FSTL5: variants seen among roughly 807,000 people sequenced by gnomAD.
The protein encoded by FSTL5 is follistatin like 5.
FSTL5 carries 62 observed loss-of-function variants against 89.1 expected under a neutral mutation model. The ratio of observed to expected loss-of-function variants is 0.70; its 90% CI spans 0.57 to 0.86. The LOEUF is 0.86. FSTL5 is among the 40% of genes least tolerant of loss of function. FSTL5 has a pLI of 0.00. For missense variants in FSTL5, 1,057 were observed against 1,001.6 expected, an observed-to-expected ratio of 1.06 and a Z score of -0.75; for synonymous variants, 383 against 346.2, an observed-to-expected ratio of 1.11 and a Z score of -1.18.
intron 6 of FSTL5, among the ~76,000 whole-genome samples, chr4:161,746,810 T>G (rs979122988): frequency 2.6e-5 from 4 of 151,942 alleles, no homozygotes; most frequent in African/African-American, 9.7e-5. Flanking sequence ...CTCTAACCCC[T>G]TCCTCCTAAG....
chr4:161,777,260 T>TATATATATAC (rs138402425), intron 4 of FSTL5, among the ~76,000 whole-genome samples: 53 of 149,426 alleles, frequency 3.5e-4, no homozygotes, highest in Admixed American at 2.7e-3. Context: ...TATATATATA[T>TATATATATAC]ACACACACCA....
intron 2 of FSTL5, among the ~76,000 whole-genome samples, chr4:162,077,161 A>G (rs895869814): frequency 1.3e-5 from 2 of 151,850 alleles, no homozygotes; most frequent in African/African-American, 2.4e-5. Flanking sequence ...GCAGCTTTCA[A>G]GGGCCTTCTT....
chr4:161,916,767 A>C (rs1022542868), intron 4 of FSTL5, among the ~76,000 whole-genome samples: 2 of 152,130 alleles, frequency 1.3e-5, no homozygotes, highest in African/African-American at 2.4e-5. Flanking sequence ...ATAATAATAA[A>C]AAATGCTAAG....
intron 15 of FSTL5, among the ~76,000 whole-genome samples, chr4:161,407,675 C>A (rs959955127): frequency 1.3e-5 from 2 of 152,168 alleles, no homozygotes; most frequent in Non-Finnish European, 2.9e-5. Context: ...TAGGTCAGCT[C>A]TAGCCCCAGC....
intron 2 of FSTL5, among the ~76,000 whole-genome samples, chr4:162,109,753 TTTAA>T (rs1356625804): frequency 2.0e-5 from 3 of 152,062 alleles, no homozygotes; most frequent in Non-Finnish European, 4.4e-5. Flanking sequence ...CTGCCGTTGA[TTTAA>T]TTAAACAGTG....
chr4:161,883,932 A>G (rs776709966), intron 4 of FSTL5, among the ~76,000 whole-genome samples: 9 of 152,212 alleles, frequency 5.9e-5, no homozygotes, highest in Non-Finnish European at 1.0e-4. Flanking sequence ...AATGCTTTTA[A>G]AAGAAAATTT....
chr4:162,048,321 A>C (rs1738266798), intron 2 of FSTL5, among the ~76,000 whole-genome samples: 1 of 152,118 alleles, frequency 6.6e-6, no homozygotes, highest in Non-Finnish European at 1.5e-5. Flanking sequence ...GCGACAAAGC[A>C]AGACTCAGTA....
intron 13 of FSTL5, among the ~76,000 whole-genome samples, chr4:161,472,069 C>T (rs1044108752): frequency 1.1e-4 from 16 of 151,822 alleles, no homozygotes; most frequent in East Asian, 1.9e-4. Context: ...CTCCACCTCC[C>T]GGGTTCACGC....
chr4:161,590,748 T>A (rs1207496509), intron 7 of FSTL5, among the ~76,000 whole-genome samples: 1 of 152,136 alleles, frequency 6.6e-6, no homozygotes, highest in Admixed American at 6.6e-5. Flanking sequence ...CAATTGCAAG[T>A]GTTGGAGAGG....
chr4:162,055,383 A>G (rs1211199137), intron 2 of FSTL5, among the ~76,000 whole-genome samples: 2 of 151,732 alleles, frequency 1.3e-5, no homozygotes, highest in African/African-American at 4.8e-5. Flanking sequence ...GTAATACTAT[A>G]TACAGGAATA....
intron 4 of FSTL5, among the ~76,000 whole-genome samples, chr4:161,820,983 AT>A (rs1730475653): frequency 6.6e-6 from 1 of 150,916 alleles, no homozygotes; most frequent in Non-Finnish European, 1.5e-5. Flanking sequence ...CAAATAAAAA[AT>A]GTATATATTT....
intron 14 of FSTL5, among the ~76,000 whole-genome samples, chr4:161,458,503 G>A (rs1374938680): frequency 2.6e-5 from 4 of 152,056 alleles, no homozygotes; most frequent in Non-Finnish European, 5.9e-5. Context: ...TCATTTAAAA[G>A]AATTTATTTT....
chr4:161,589,758 A>G (rs1733741227), intron 7 of FSTL5, among the ~76,000 whole-genome samples: 1 of 152,122 alleles, frequency 6.6e-6, no homozygotes, highest in African/African-American at 2.4e-5. Flanking sequence ...CTCTCCGTAG[A>G]GAAGTTTGAA....
intron 4 of FSTL5, among the ~76,000 whole-genome samples, chr4:161,818,645 T>C (rs890041543): frequency 6.6e-6 from 1 of 152,208 alleles, no homozygotes; most frequent in African/African-American, 2.4e-5. Flanking sequence ...TTGCACGCAC[T>C]GCGATGGGGA....
chr4:162,139,778 A>C (rs1241604964), intron 1 of FSTL5, among the ~76,000 whole-genome samples: 2 of 152,166 alleles, frequency 1.3e-5, no homozygotes, highest in African/African-American at 4.8e-5. Flanking sequence ...AACAAGGAAC[A>C]AAAGTCACAC....
chr4:161,868,021 A>T (rs1732146287), intron 4 of FSTL5, among the ~76,000 whole-genome samples: 1 of 152,152 alleles, frequency 6.6e-6, no homozygotes, highest in Non-Finnish European at 1.5e-5. Flanking sequence ...ATGTATCTAC[A>T]GTATGCTCTC....
At chr4:162,130,091 C>T (rs779459423) in intron 1 of FSTL5, among the ~76,000 whole-genome samples, 3 of 152,128 alleles carry the variant, frequency 2.0e-5, no homozygotes, top group South Asian at 2.1e-4. Flanking sequence ...TTTTAAGCAA[C>T]GAAGTGGAGG....
intron 5 of FSTL5, among the ~76,000 whole-genome samples, chr4:161,770,360 C>G (rs1293756513): frequency 1.3e-5 from 2 of 151,870 alleles, no homozygotes; most frequent in African/African-American, 4.8e-5. Flanking sequence ...AATTGAATTG[C>G]TTGTAGCAAA....
At chr4:162,131,426 T>C (rs1481567539) in intron 1 of FSTL5, among the ~76,000 whole-genome samples, 1 of 152,236 alleles carries the variant, frequency 6.6e-6, no homozygotes, top group Non-Finnish European at 1.5e-5. Context: ...TTAAAATGTG[T>C]GGACCTGTTG....
Sources: allele counts gnomAD v4.1 joint callset (sites outside exome capture counted in the v4.1 genomes callset), GRCh38; gene constraint gnomAD v4.1.1; transcripts MANE v1.5; gene names NCBI Gene and HGNC (gene_info 2026-07-23, HGNC 2026-07-21).